The following KCNC2 variants were observed in gnomAD, a reference collection of about 807,000 sequenced individuals.
The protein encoded by KCNC2 is potassium voltage-gated channel subfamily C member 2.
KCNC2 carries 21 observed loss-of-function variants against 44.5 expected under a neutral mutation model. That is an observed-to-expected ratio of 0.47 (90% CI 0.33 to 0.68). The LOEUF is 0.68. Among genes scored for constraint, KCNC2 ranks in the 30% least tolerant of loss-of-function variants. The probability of loss-of-function intolerance (pLI) is 0.01; values close to 1 mark genes in which losing one functional copy is unlikely to be tolerated. For missense variants in KCNC2, 589 were observed against 826.2 expected (o/e 0.71, Z 3.52); for synonymous variants, 391 against 339.1 (o/e 1.15, Z -1.68).
intron 2 of KCNC2, among the ~76,000 whole-genome samples, chr12:75,073,958 A>G (rs1266668447): frequency 1.3e-5 from 2 of 152,216 alleles, no homozygotes; most frequent in Non-Finnish European, 2.9e-5. Flanking sequence ...AGTTCCACGT[A>G]CAGTAGCACT....
intron 2 of KCNC2, among the ~76,000 whole-genome samples, chr12:75,189,124 G>A (rs1256540185): frequency 6.6e-6 from 1 of 152,138 alleles, no homozygotes; most frequent in East Asian, 1.9e-4. Flanking sequence ...AGTTGGTGCA[G>A]GCATTGTCTC....
At chr12:75,082,966 G>A (rs2137087898) in intron 2 of KCNC2, among the ~76,000 whole-genome samples, 1 of 151,538 alleles carries the variant, frequency 6.6e-6, no homozygotes, top group South Asian at 2.1e-4. Context: ...ATTTAAAATA[G>A]AGATAGAGGC....
At chr12:75,055,635 A>G (rs1309447062) in intron 2 of KCNC2, among the ~76,000 whole-genome samples, 2 of 152,002 alleles carry the variant, frequency 1.3e-5, no homozygotes, top group Non-Finnish European at 2.9e-5. Context: ...GAGTAAAAAT[A>G]CTCTGTTAAA....
chr12:75,132,873 A>G (rs1015191332), intron 2 of KCNC2, among the ~76,000 whole-genome samples: 4 of 152,076 alleles, frequency 2.6e-5, no homozygotes, highest in Non-Finnish European at 5.9e-5. Context: ...CTACTACTCC[A>G]GGTTCCCTAC....
rs531100563 is a variant in KCNC2 at position 75,084,393 on chromosome 12, G to T, written c.688-33076C>A. Among the ~76,000 whole-genome samples the T allele has an allele frequency of 2.6e-5, 4 of 151,982 alleles. No homozygotes were observed. In the East Asian group the frequency reaches 5.8e-4, roughly 22 times the overall value. On this transcript the variant is annotated intron_variant, in intron 2 of 4. Coordinates refer to ENST00000549446, the MANE Select transcript of KCNC2 (RefSeq NM_139137.4). Reference sequence around the variant, plus strand: ...CCCCACCCAAATCTCAACTTGAATTGTATCCCCCAGAATTCCCACGTGTTG... The same window carrying T: ...CCCCACCCAAATCTCAACTTGAATTTTATCCCCCAGAATTCCCACGTGTTG...
intron 2 of KCNC2, among the ~76,000 whole-genome samples, chr12:75,068,004 G>A: frequency 6.6e-6 from 1 of 152,148 alleles, no homozygotes; most frequent in Non-Finnish European, 1.5e-5. Context: ...TTTAGGCAAA[G>A]ATACTGTGAA....
intron 2 of KCNC2, among the ~76,000 whole-genome samples, chr12:75,177,401 G>T (rs991157055): frequency 6.6e-6 from 1 of 151,906 alleles, no homozygotes; most frequent in Non-Finnish European, 1.5e-5. Context: ...TTCTGAATTG[G>T]AAGGAACTTT....
chr12:75,113,757 T>C (rs1378936058), intron 2 of KCNC2, among the ~76,000 whole-genome samples: 3 of 152,216 alleles, frequency 2.0e-5, no homozygotes, highest in African/African-American at 7.2e-5. Context: ...GAACCTCTTA[T>C]CTATTTTGTA....
chr12:75,165,625 A>G (rs1307132731), intron 2 of KCNC2, among the ~76,000 whole-genome samples: 1 of 151,492 alleles, frequency 6.6e-6, no homozygotes, highest in Non-Finnish European at 1.5e-5. Flanking sequence ...TATGGAGAAC[A>G]ATGATTCAAG....
At chr12:75,057,764 G>A (rs1881901696) in intron 2 of KCNC2, among the ~76,000 whole-genome samples, 1 of 150,732 alleles carries the variant, frequency 6.6e-6, no homozygotes, top group Non-Finnish European at 1.5e-5. Flanking sequence ...TATAGAAATA[G>A]GTATAAAACA....
intron 2 of KCNC2, among the ~76,000 whole-genome samples, chr12:75,100,377 C>G (rs532064311): frequency 6.6e-6 from 1 of 152,108 alleles, no homozygotes; most frequent in South Asian, 2.1e-4. Flanking sequence ...CTTATTATCT[C>G]TGTGAATCTG....
In KCNC2 at chr12:75,050,867, T is replaced by C; in HGVS notation, c.1138A>G (p.Asn380Asp). 1 of 1,613,400 alleles carries C rather than the reference T, an allele frequency of 6.2e-7. No homozygotes were observed. Among genetic ancestry groups the C allele is most frequent in the Non-Finnish European group, 8.5e-7 (1 of 1,179,808 alleles). ...AAAATTATCAGCAGCAAAAATTCATTAGTACTAGCTCGAAGAGTATGTCCA... is the reference window on the plus strand; with the variant it reads ...AAAATTATCAGCAGCAAAAATTCATCAGTACTAGCTCGAAGAGTATGTCCA... ...VLGHTLRASTNEFLLLIIFLA... is the reference protein window; with the variant it reads ...VLGHTLRASTDEFLLLIIFLA... Residue 380 changes from asparagine (N) to aspartate (D), a missense_variant, in exon 3 of 5, where the codon AAT becomes GAT. By Grantham distance (23) the Asn-to-Asp change is conservative. Transcript: ENST00000549446.
chr12:75,091,838 A>G (rs1224208789), intron 2 of KCNC2, among the ~76,000 whole-genome samples: 1 of 151,706 alleles, frequency 6.6e-6, no homozygotes, highest in East Asian at 1.9e-4. Flanking sequence ...ATGCTTTAAG[A>G]TATAATATAT....
At chr12:75,116,301 A>G (rs901090348) in intron 2 of KCNC2, among the ~76,000 whole-genome samples, 50 of 152,028 alleles carry the variant, frequency 3.3e-4, no homozygotes, top group Non-Finnish European at 3.5e-4. Context: ...GAAATCTCAT[A>G]CTCTGCCTCA....
rs1381654515 is a variant in KCNC2 at position 75,104,019 on chromosome 12, CAGA to C, written c.688-52705_688-52703del. On this transcript the variant is annotated intron_variant, in intron 2 of 4. Transcript: ENST00000549446. Reference sequence around the variant, plus strand: ...TACTATTCATCTTCTGATGATGCGTCAGAAGGAGGATCATCTGCTTTGCATGAT... The same window carrying C: ...TACTATTCATCTTCTGATGATGCGTCAGGAGGATCATCTGCTTTGCATGAT... 3.3e-5 allele frequency among the ~76,000 whole-genome samples: 5 copies of C among 151,572 alleles called. No homozygotes were observed. In the East Asian group the frequency reaches 9.7e-4, roughly 30 times the overall value.
chr12:75,152,490 G>A (rs945915481), intron 2 of KCNC2, among the ~76,000 whole-genome samples: 2 of 151,764 alleles, frequency 1.3e-5, no homozygotes, highest in Non-Finnish European at 2.9e-5. Flanking sequence ...TTTTCCACAA[G>A]TGATTATTAA....
intron 2 of KCNC2, among the ~76,000 whole-genome samples, chr12:75,119,864 A>G (rs1422920466): frequency 6.6e-6 from 1 of 152,240 alleles, no homozygotes; most frequent in African/African-American, 2.4e-5. Context: ...AACTAAATAC[A>G]TGGTAGTTTA....
At chr12:75,062,300 GT>G (rs899197056) in intron 2 of KCNC2, among the ~76,000 whole-genome samples, 4 of 152,154 alleles carry the variant, frequency 2.6e-5, no homozygotes, top group Non-Finnish European at 5.9e-5. Flanking sequence ...ATAAAATAGT[GT>G]TTTATGCATA....
intron 2 of KCNC2, among the ~76,000 whole-genome samples, chr12:75,102,614 C>T (rs1365874673): frequency 6.6e-6 from 1 of 152,076 alleles, no homozygotes; most frequent in Non-Finnish European, 1.5e-5. Flanking sequence ...CTTAATTATA[C>T]ATTTATCTAT....
Sources: allele counts gnomAD v4.1 joint callset (sites outside exome capture counted in the v4.1 genomes callset), GRCh38; gene constraint gnomAD v4.1.1; transcripts MANE v1.5; gene names NCBI Gene and HGNC (gene_info 2026-07-23, HGNC 2026-07-21).